Variants in LINGO2 observed in about 807,000 individuals in gnomAD.
LINGO2 encodes the protein leucine-rich repeat and immunoglobulin-like domain-containing nogo receptor-interacting protein 2.
LINGO2 carries 14 observed loss-of-function variants against 30.6 expected under a neutral mutation model. That is an observed-to-expected ratio of 0.46 (90% CI 0.30 to 0.72). The LOEUF (loss-of-function observed/expected upper bound fraction) is 0.72, where lower values mean the gene tolerates loss of function less well. LINGO2 is among the 30% of genes least tolerant of loss of function. The pLI is 0.07. For missense variants in LINGO2, 729 were observed against 751.7 expected (o/e 0.97, Z 0.35); for synonymous variants, 317 against 288.5 (o/e 1.10, Z -1.00).
chr9:28,620,993 A>T (rs1826364007), intron 1 of LINGO2, among the ~76,000 whole-genome samples: 1 of 151,978 alleles, frequency 6.6e-6, no homozygotes, highest in Admixed American at 6.6e-5. Context: ...AGTTATAAAA[A>T]CCAGTGGAAG....
intron 4 of LINGO2, among the ~76,000 whole-genome samples, chr9:28,241,676 A>AT (rs1821805776): frequency 6.6e-6 from 1 of 152,186 alleles, no homozygotes; most frequent in South Asian, 2.1e-4. Context: ...ACTGAGTGAG[A>AT]TCCCCCAACA....
the LINGO2 span, among the ~76,000 whole-genome samples, chr9:28,911,532 T>C: frequency 6.6e-6 from 1 of 152,090 alleles, no homozygotes; most frequent in Non-Finnish European, 1.5e-5. Context: ...ATAACAGAAT[T>C]GTAAATGAAA....
At chr9:28,173,655 G>A (rs1347751680) in intron 4 of LINGO2, among the ~76,000 whole-genome samples, 1 of 152,220 alleles carries the variant, frequency 6.6e-6, no homozygotes, top group East Asian at 1.9e-4. Context: ...AGCATTACTA[G>A]TGCTCTGCCA....
At chr9:28,032,324 G>C (rs776344199) in intron 4 of LINGO2, among the ~76,000 whole-genome samples, 6 of 152,218 alleles carry the variant, frequency 3.9e-5, no homozygotes, top group Admixed American at 2.0e-4. Flanking sequence ...GCCTGCCCTC[G>C]CTGCCCAGCA....
chr9:28,184,297 T>C (rs533883110), intron 4 of LINGO2, among the ~76,000 whole-genome samples: 1 of 152,164 alleles, frequency 6.6e-6, no homozygotes, highest in East Asian at 1.9e-4. Flanking sequence ...CTTTTGAAAA[T>C]AAAGAAGTGG....
the LINGO2 span, among the ~76,000 whole-genome samples, chr9:28,882,182 G>GTA: frequency 4.6e-5 from 7 of 152,240 alleles, no homozygotes; most frequent in South Asian, 1.2e-3. Flanking sequence ...ATTTAATCTT[G>GTA]TATATTCAAC....
intron 2 of LINGO2, among the ~76,000 whole-genome samples, chr9:28,414,659 T>TG (rs1340984039): frequency 6.6e-6 from 1 of 151,814 alleles, no homozygotes; most frequent in African/African-American, 2.4e-5. Flanking sequence ...CATCTTCTGA[T>TG]GGGGGTGGGA....
the LINGO2 span, among the ~76,000 whole-genome samples, chr9:28,942,814 A>G: frequency 1.3e-5 from 2 of 152,162 alleles, no homozygotes; most frequent in African/African-American, 2.4e-5. Flanking sequence ...GCTACTTGCT[A>G]TCTCCCTCTC....
At chr9:28,897,078 G>C in the LINGO2 span, among the ~76,000 whole-genome samples, 2 of 152,128 alleles carry the variant, frequency 1.3e-5, no homozygotes, top group Non-Finnish European at 2.9e-5. Context: ...GACAAAGAGT[G>C]AGAGACTAGT....
chr9:29,162,209 C>T, the LINGO2 span, among the ~76,000 whole-genome samples: 1 of 152,132 alleles, frequency 6.6e-6, no homozygotes, highest in African/African-American at 2.4e-5. Context: ...TGTGAGCCAC[C>T]ATGCCCGGCC....
chr9:29,165,152 C>T, the LINGO2 span, among the ~76,000 whole-genome samples: 2 of 152,060 alleles, frequency 1.3e-5, no homozygotes, highest in Admixed American at 1.3e-4. Flanking sequence ...CTAATATTTG[C>T]TCTTAATGGG....
the LINGO2 span, among the ~76,000 whole-genome samples, chr9:29,008,611 T>A: frequency 3.3e-5 from 5 of 152,180 alleles, no homozygotes; most frequent in Non-Finnish European, 5.9e-5. Flanking sequence ...TTTTTAATGA[T>A]CATCATTCTA....
At chr9:29,137,921 C>T in the LINGO2 span, among the ~76,000 whole-genome samples, 1 of 151,986 alleles carries the variant, frequency 6.6e-6, no homozygotes. Context: ...ACTAATAGGA[C>T]TGTTATGAAG....
chr9:29,070,230 T>C, the LINGO2 span, among the ~76,000 whole-genome samples: 2 of 152,110 alleles, frequency 1.3e-5, no homozygotes, highest in African/African-American at 4.8e-5. Context: ...TAACAAATTG[T>C]GGCAAGAGAG....
chr9:28,229,857 C>T (rs1370195998), intron 4 of LINGO2, among the ~76,000 whole-genome samples: 1 of 151,590 alleles, frequency 6.6e-6, no homozygotes, highest in Non-Finnish European at 1.5e-5. Context: ...TATCCCTAGC[C>T]CATTTAGAAA....
chr9:29,182,053 A>G, the LINGO2 span, among the ~76,000 whole-genome samples: 1 of 152,202 alleles, frequency 6.6e-6, no homozygotes, highest in East Asian at 1.9e-4. Flanking sequence ...CCCACCTATG[A>G]AAATTGTTAT....
At chr9:29,001,110 TGAGA>T in the LINGO2 span, among the ~76,000 whole-genome samples, 4 of 139,096 alleles carry the variant, frequency 2.9e-5, no homozygotes, top group African/African-American at 1.0e-4. Context: ...TGTGTGAACG[TGAGA>T]GAGAGAGAGA....
intron 1 of LINGO2, among the ~76,000 whole-genome samples, chr9:28,523,128 A>G (rs1820887220): frequency 6.6e-6 from 1 of 152,288 alleles, no homozygotes; most frequent in Non-Finnish European, 1.5e-5. Flanking sequence ...TAAATTCAAT[A>G]AATTTAATCC....
At chr9:29,039,274 G>A in the LINGO2 span, among the ~76,000 whole-genome samples, 2 of 151,786 alleles carry the variant, frequency 1.3e-5, no homozygotes, top group African/African-American at 4.8e-5. Flanking sequence ...ATGAATTTCA[G>A]TTTGTTTTAG....
Sources: gnomAD v4.1 joint callset for allele counts (sites outside exome capture counted in the v4.1 genomes callset) on GRCh38, gnomAD v4.1.1 for gene constraint, MANE v1.5 for transcripts, NCBI Gene and HGNC (gene_info 2026-07-23, HGNC 2026-07-21) for gene names.